The following INSIG1 variants were observed in gnomAD, a reference collection of about 807,000 sequenced individuals.
The protein encoded by INSIG1 is insulin-induced gene 1 protein.
In INSIG1, 14 loss-of-function variants were observed where a neutral mutation model predicts 26.5. The observed-to-expected ratio is 0.53, with a 90% CI of 0.35 to 0.83. The LOEUF is 0.83. Ranked by LOEUF, INSIG1 falls within the 40% of genes least tolerant of loss-of-function variation. The pLI is 0.01. For missense variants in INSIG1, 272 were observed against 368.9 expected, an observed-to-expected ratio of 0.74 and a Z score of 2.15; for synonymous variants, 147 against 153.3, an observed-to-expected ratio of 0.96 and a Z score of 0.30.
chr7:155,298,806 T>G, intron 2 of INSIG1, 109 bp downstream of exon 2: 1 of 1,077,290 alleles, frequency 9.3e-7, no homozygotes, highest in East Asian at 2.6e-5. Flanking sequence ...ATCCACAGAT[T>G]GAAAGTGTGC....
intron 5 of INSIG1, among the ~76,000 whole-genome samples, chr7:155,307,248 C>G (rs1361722573): frequency 6.6e-6 from 1 of 152,188 alleles, no homozygotes; most frequent in Non-Finnish European, 1.5e-5. Context: ...AACTGGCATA[C>G]CTGGGTGACT....
intron 5 of INSIG1, among the ~76,000 whole-genome samples, chr7:155,304,623 G>A (rs1797885507): frequency 6.6e-6 from 1 of 152,172 alleles, no homozygotes; most frequent in African/African-American, 2.4e-5. Flanking sequence ...ACATTCATAA[G>A]TTCTAAACAT....
chr7:155,308,113 ATCTT>A (rs771094213), intron 5 of INSIG1, 124 bp from the exon 6 acceptor site: 22 of 590,716 alleles, frequency 3.7e-5, no homozygotes, highest in Non-Finnish European at 5.7e-5. Flanking sequence ...CCACCTCTCA[ATCTT>A]GTTGCTTCAG....
In INSIG1 at chr7:155,302,186, G is replaced by T. The variant is rs374901411; in HGVS notation, c.538-65G>T. 9.2e-6 allele frequency: 12 copies of T among 1,302,600 alleles called. No homozygotes were observed. The highest frequency in any genetic ancestry group is 1.5e-5 in the African/African-American group (1 of 65,816). The allele number at this position is 1,302,600 out of a possible 1,614,324, so 80.7% of individuals were successfully genotyped here. On this transcript the variant is annotated intron_variant, in intron 3 of 5. Coordinates refer to ENST00000340368, the MANE Select transcript of INSIG1 (RefSeq NM_005542.6). The surrounding 1 kb of genome is among the most constrained non-coding windows in gnomAD (Gnocchi z 4.3). Reference sequence around the variant, plus strand: ...TAAAATACCCATGTTTTTAACCCTTGTGGTTTTACGTTTTTTTATCTTAAT... The same window carrying T: ...TAAAATACCCATGTTTTTAACCCTTTTGGTTTTACGTTTTTTTATCTTAAT...
intron 2 of INSIG1, 142 bp from the exon 3 acceptor site, chr7:155,301,424 T>C: frequency 1.3e-6 from 1 of 745,436 alleles, no homozygotes; most frequent in Non-Finnish European, 2.0e-6. Flanking sequence ...AACAAGAATA[T>C]AAAATCACTC....
At chr7:155,303,910 C>T (rs60860323) in intron 5 of INSIG1, 1 of 1,338,350 alleles carries the variant, frequency 7.5e-7, no homozygotes, top group Non-Finnish European at 1.0e-6. Context: ...AATTTGCAGT[C>T]TTCCACTGGT....
rs745728958 is a variant in INSIG1, at chr7:155,302,361, C to T, written c.648C>T (p.Thr216=). The T allele has an allele frequency of 4.3e-6, 7 of 1,610,838 alleles. No homozygotes were observed. The highest frequency in any genetic ancestry group is 1.7e-4 in the Middle Eastern group (1 of 6,056). ...RSRSGLGLGI[T]IAFLATLITQ... is the part of the protein sequence containing the mutation. ...GAAGTGGCCTTGGGCTGGGGATCAC[C>T]ATAGCTTTTCTAGCTACGCTGATCA... Residue 216 remains threonine, a synonymous_variant, in exon 4 of 6, where the codon ACC becomes ACT. Coordinates refer to ENST00000340368, the MANE Select transcript of INSIG1 (RefSeq NM_005542.6). This position sits in a 1 kb window ranked among gnomAD's most constrained non-coding sequence, Gnocchi z 4.3.
intron 5 of INSIG1, among the ~76,000 whole-genome samples, chr7:155,303,616 T>C (rs994877844): frequency 6.6e-6 from 1 of 152,224 alleles, no homozygotes; most frequent in African/African-American, 2.4e-5. Flanking sequence ...GCAGTTCTCA[T>C]TAGTTAAAAA....
intron 3 of INSIG1, 71 bp downstream of exon 3, chr7:155,301,761 A>T (rs1797791456): frequency 7.4e-7 from 1 of 1,354,424 alleles, no homozygotes; most frequent in African/African-American, 1.4e-5. Flanking sequence ...TTGTTTTGTT[A>T]TATACTCAAA....
intron 5 of INSIG1, among the ~76,000 whole-genome samples, chr7:155,305,136 ACT>A (rs1797902894): frequency 1.4e-5 from 2 of 143,834 alleles, no homozygotes; most frequent in Admixed American, 7.0e-5. Flanking sequence ...ACAGAGCAAG[ACT>A]CTGTCTCAAA....
At chr7:155,305,145 CAAA>C (rs34325240) in intron 5 of INSIG1, among the ~76,000 whole-genome samples, 1 of 80,098 alleles carries the variant, frequency 1.2e-5, no homozygotes, top group Non-Finnish European at 2.6e-5. Flanking sequence ...GACTCTGTCT[CAAA>C]AAAAAAAAAA....
Position 155,298,419 on chromosome 7 carries a change from C to T in INSIG1, c.134C>T (p.Pro45Leu). The T allele has an allele frequency of 6.4e-7, 1 of 1,558,202 alleles. No individual in the cohort carries two copies. The part of the protein sequence containing the change: ...GEMINVSVSG[P>L]SLLAAHGAPD... ...ATGATCAACGTTTCCGTGTCCGGGC[C>T]CTCCCTGCTGGCGGCCCACGGTGCC... Residue 45 changes from proline (P) to leucine (L), a missense_variant, in exon 2 of 6, where the codon CCC (proline) becomes CTC (leucine). Pro to Leu is a moderately conservative substitution (Grantham distance 98). Around this residue, in one of 2 missense-constraint regions of INSIG1, gnomAD observed 161 missense variants for 179.2 expected, o/e 0.90. Coordinates refer to ENST00000340368, the MANE Select transcript of INSIG1 (RefSeq NM_005542.6).
intron 2 of INSIG1, 34 bp from the exon 3 acceptor site, chr7:155,301,532 C>A: frequency 6.4e-7 from 1 of 1,574,504 alleles, no homozygotes; most frequent in Non-Finnish European, 8.7e-7. Context: ...CTTGAATCTG[C>A]TGTATTCTAA....
rs767640062 is a variant in INSIG1 at position 155,301,631 on chromosome 7, G to T, written c.478G>T (p.Glu160Ter). The change falls in exon 3 of 6, where the codon GAA becomes TAA. Residue 160 changes from glutamate to a stop codon, truncating the protein, a stop_gained. Coordinates refer to ENST00000340368, the MANE Select transcript of INSIG1 (RefSeq NM_005542.6). LOFTEE classifies it high-confidence loss of function. ...HLGEPHKFKR[E>*]WASVMRCIAV... is the part of the protein sequence containing the mutation. ...CGGAGAACCCCACAAATTTAAGAGA[G>T]AATGGGCCAGTGTCATGCGCTGCAT... The T allele has an allele frequency of 6.2e-7, 1 of 1,611,098 alleles. No homozygotes were observed. The highest frequency in any genetic ancestry group is 8.5e-7 in the Non-Finnish European group (1 of 1,177,878).
chr7:155,299,963 G>T (rs1484693497), intron 2 of INSIG1, among the ~76,000 whole-genome samples: 1 of 152,116 alleles, frequency 6.6e-6, no homozygotes, highest in Non-Finnish European at 1.5e-5. Flanking sequence ...AGAGGGCTCC[G>T]TGTTGAAGAA....
At chr7:155,303,831 C>A in intron 5 of INSIG1, 1 of 1,363,420 alleles carries the variant, frequency 7.3e-7, no homozygotes, top group South Asian at 1.1e-5. Context: ...CCAGCTGATA[C>A]CCTTCTGTGA....
chr7:155,302,857 T>C lies in INSIG1; in HGVS notation c.804+11T>C, dbSNP rs1431942653. 1.3e-6 allele frequency: 2 copies of C among 1,534,762 alleles called. No homozygotes were observed. The highest frequency in any genetic ancestry group is 1.8e-6 in the Non-Finnish European group (2 of 1,108,252). ...CGACAGTTAGCTATGGTAAGTGAAA[T>C]GATCATATTATCTTCTAAAACTTGC... On this transcript the variant is annotated intron_variant, in intron 5 of 5. Transcript: ENST00000340368. This position sits in a 1 kb window ranked among gnomAD's most constrained non-coding sequence, Gnocchi z 4.3.
rs201333521 is a variant in INSIG1, at chr7:155,301,575, G to T, written c.422G>T (p.Gly141Val). The T allele has an allele frequency of 6.2e-7, 1 of 1,604,262 alleles. No homozygotes were observed. The highest frequency in any genetic ancestry group is 2.2e-5 in the East Asian group (1 of 44,806). ...AACTTTTTTAAAACAGCTGTTGTTG[G>T]CCTACTGTACCCCTGTATCGACAGT... The part of the protein sequence containing the change: ...PCCGTAAAVV[G>V]LLYPCIDSHL... Residue 141 changes from glycine (G) to valine (V), a missense_variant, in exon 3 of 6, where the codon GGC becomes GTC. Physicochemically the swap from Gly to Val is moderately radical, Grantham distance 109 (BLOSUM62 -3). Around this residue, in one of 2 missense-constraint regions of INSIG1, gnomAD observed 111 missense variants for 189.8 expected, o/e 0.58. Coordinates refer to ENST00000340368, the MANE Select transcript of INSIG1 (RefSeq NM_005542.6).
intron 5 of INSIG1, 24 bp from the exon 6 acceptor site, chr7:155,308,215 CTT>C (rs745484895): frequency 2.6e-5 from 28 of 1,094,934 alleles, no homozygotes; most frequent in South Asian, 6.2e-5. Flanking sequence ...TTTCTCTTTC[CTT>C]TTTTTTTTCC....
Sources: gnomAD v4.1 joint callset for allele counts (sites outside exome capture counted in the v4.1 genomes callset) on GRCh38, gnomAD v4.1.1 for gene constraint, gnomAD v4.1.1 regional missense constraint, Gnocchi (gnomAD v3.1) non-coding constraint, MANE v1.5 for transcripts, NCBI Gene and HGNC (gene_info 2026-07-23, HGNC 2026-07-21) for gene names.